Variants in CYTH1 observed in about 807,000 individuals in gnomAD.
CYTH1 encodes the protein cytohesin 1.
A neutral mutation model predicts 61.8 loss-of-function variants in CYTH1; 18 were observed. The observed-to-expected ratio is 0.29, with a 90% CI of 0.20 to 0.43. The LOEUF is 0.43. Among genes scored for constraint, CYTH1 ranks in the 20% least tolerant of loss-of-function variants. CYTH1 has a pLI of 1.00. For synonymous variants in CYTH1, 174 were observed against 184.3 expected (o/e 0.94, Z 0.45); for missense variants, 336 against 510.5 (o/e 0.66, Z 3.29).
At chr17:78,741,797 C>T (rs1235572075) in intron 1 of CYTH1, among the ~76,000 whole-genome samples, 1 of 152,220 alleles carries the variant, frequency 6.6e-6, no homozygotes, top group Non-Finnish European at 1.5e-5. Context: ...CCAGGAACCA[C>T]ACTCCCTCCA....
At chr17:78,689,910 C>T (rs748532827) in intron 11 of CYTH1, among the ~76,000 whole-genome samples, 28 of 151,944 alleles carry the variant, frequency 1.8e-4, no homozygotes, top group Non-Finnish European at 3.4e-4. Context: ...AATCCTGGGC[C>T]GTGAGGTAGA....
rs962754747 is a variant in CYTH1 at position 78,689,799 on chromosome 17, G to A, written c.891+2618C>T. Among the ~76,000 whole-genome samples, 4 of 152,222 alleles carry A rather than the reference G, an allele frequency of 2.6e-5. No homozygotes were observed. In the East Asian group the frequency reaches 7.7e-4, roughly 29 times the overall value. ...ATTTCACCAATGTCCACCCAGCAGG[G>A]GATTTTACTACTCCTTGATCAGGGA... On this transcript the variant is annotated intron_variant, in intron 11 of 13. Transcript: ENST00000446868.
At chr17:78,728,913 T>C (rs961607695) in intron 1 of CYTH1, among the ~76,000 whole-genome samples, 4 of 152,314 alleles carry the variant, frequency 2.6e-5, no homozygotes, top group African/African-American at 9.6e-5. Flanking sequence ...AAGATGTTAA[T>C]GTAAAATAAA....
intron 7 of CYTH1, 75 bp from the exon 8 acceptor site, chr17:78,699,043 G>C: frequency 6.5e-7 from 1 of 1,538,516 alleles, no homozygotes; most frequent in Non-Finnish European, 8.8e-7. Context: ...GCAAGAGCAA[G>C]AGTGGTATCA....
intron 1 of CYTH1, among the ~76,000 whole-genome samples, chr17:78,722,524 AGCTGCCACTCCCCGTGCCTGCCAGCT>A (rs1276812110): frequency 1.3e-5 from 2 of 152,058 alleles, no homozygotes; most frequent in African/African-American, 4.8e-5. Flanking sequence ...CCCTGGGTGA[AGCTGCCACTCCCCGTGCCTGCCAGCT>A]GCAACCACTG....
chr17:78,677,149 C>G (rs1021682377), intron 13 of CYTH1: 1 of 448,738 alleles, frequency 2.2e-6, no homozygotes, highest in East Asian at 7.0e-5. Flanking sequence ...CCGATGGGAT[C>G]TCACTGGGAA....
At chr17:78,740,830 T>C (rs2093339162) in intron 1 of CYTH1, among the ~76,000 whole-genome samples, 2 of 152,236 alleles carry the variant, frequency 1.3e-5, no homozygotes. Flanking sequence ...ACCCAACTCA[T>C]GAGGCATATC....
intron 1 of CYTH1, among the ~76,000 whole-genome samples, chr17:78,734,164 C>A (rs908442134): frequency 1.3e-5 from 2 of 151,576 alleles, no homozygotes; most frequent in Non-Finnish European, 2.9e-5. Flanking sequence ...GCAGGAGAAT[C>A]GCTTGAACCC....
chr17:78,735,315 C>T (rs1025365101), intron 1 of CYTH1, among the ~76,000 whole-genome samples: 1 of 152,166 alleles, frequency 6.6e-6, no homozygotes, highest in Admixed American at 6.5e-5. Context: ...TAGGCTCACC[C>T]GGAAGGACCA....
At chr17:78,716,573 G>A (rs2093182618) in intron 1 of CYTH1, among the ~76,000 whole-genome samples, 1 of 151,980 alleles carries the variant, frequency 6.6e-6, no homozygotes, top group South Asian at 2.1e-4. Context: ...TCCCCTTCTG[G>A]CTCAACCAAT....
chr17:78,744,627 T>G (rs1317205608), intron 1 of CYTH1, among the ~76,000 whole-genome samples: 6 of 152,172 alleles, frequency 3.9e-5, no homozygotes, highest in Non-Finnish European at 8.8e-5. Flanking sequence ...CATAAATGCA[T>G]CTATTAGACC....
chr17:78,719,845 A>C (rs1483174718), intron 1 of CYTH1, among the ~76,000 whole-genome samples: 3 of 152,210 alleles, frequency 2.0e-5, no homozygotes, highest in Non-Finnish European at 4.4e-5. Flanking sequence ...ACACCTTCAC[A>C]CAGTCTATCT....
chr17:78,683,579 G>A (rs2092785801), intron 11 of CYTH1, among the ~76,000 whole-genome samples: 1 of 152,208 alleles, frequency 6.6e-6, no homozygotes, highest in South Asian at 2.1e-4. Context: ...GAAGCTGGGG[G>A]TGGGAGAAGT....
In CYTH1 at chr17:78,736,821, G is replaced by T. The variant is rs760392961; in HGVS notation, c.23-27089C>A. ...TTCCTGTGGGGTCTGACTGGGAGGG[G>T]CCGGGGATACCTGTGAAGCTGTCCA... On this transcript the variant is annotated intron_variant, in intron 1 of 13. Transcript: ENST00000446868. 262 of 275,702 alleles carry T rather than the reference G, an allele frequency of 9.5e-4. 3 individuals carry two copies. Among genetic ancestry groups the T allele is most frequent in the Admixed American group, 7.8e-4 (18 of 23,022 alleles). The allele number at this position is 275,702 out of a possible 1,614,324, so 17.1% of individuals were successfully genotyped here.
At chr17:78,687,878 T>C (rs543959802) in intron 11 of CYTH1, among the ~76,000 whole-genome samples, 1 of 152,374 alleles carries the variant, frequency 6.6e-6, no homozygotes, top group Non-Finnish European at 1.5e-5. Flanking sequence ...AGAAGAAATC[T>C]CTGAAGTGGC....
chr17:78,680,455 G>T, intron 12 of CYTH1, 111 bp from the exon 13 acceptor site: 2 of 1,200,932 alleles, frequency 1.7e-6, no homozygotes, highest in South Asian at 1.6e-5. Context: ...CAAAATACAA[G>T]GAATACATAT....
chr17:78,747,145 C>CAAAAAAAA (rs56201341), intron 1 of CYTH1, among the ~76,000 whole-genome samples: 25 of 57,818 alleles, frequency 4.3e-4, no homozygotes, highest in South Asian at 6.2e-4. Flanking sequence ...ATGGCAGCGC[C>CAAAAAAAA]AAAAAAAAAA....
intron 1 of CYTH1, among the ~76,000 whole-genome samples, chr17:78,767,438 G>A (rs1403159937): frequency 6.6e-6 from 1 of 152,186 alleles, no homozygotes; most frequent in African/African-American, 2.4e-5. Context: ...TACACTGTGA[G>A]CTTCTGGAAA....
At position 78,741,765 on chromosome 17, in the gene CYTH1, T is replaced by G. The variant is rs9903760; in HGVS notation, c.23-32033A>C. ...CTTGACTTCACTCTTCTCTCACCCT[T>G]GCGTCTCCTGGTCAAACCCAACCAG... On this transcript the variant is annotated intron_variant, in intron 1 of 13. Transcript: ENST00000446868. Among the ~76,000 whole-genome samples the G allele has an allele frequency of 2.6e-5, 4 of 152,070 alleles. No homozygotes were observed. In the East Asian group the frequency reaches 5.8e-4, roughly 22 times the overall value.
Sources: gnomAD v4.1 joint callset for allele counts (sites outside exome capture counted in the v4.1 genomes callset) on GRCh38, gnomAD v4.1.1 for gene constraint, MANE v1.5 for transcripts, NCBI Gene and HGNC (gene_info 2026-07-23, HGNC 2026-07-21) for gene names.